Variants in DENND2C observed in about 807,000 individuals in gnomAD.
DENND2C encodes the protein DENN domain containing 2C, also known as DENN domain-containing protein 2C.
In DENND2C, 72 loss-of-function variants were observed where a neutral mutation model predicts 112.4. The ratio of observed to expected loss-of-function variants is 0.64; its 90% confidence interval spans 0.53 to 0.78. The LOEUF is 0.78. DENND2C is among the 30% of genes least tolerant of loss of function. The pLI is 0.00. For synonymous variants in DENND2C, 329 were observed against 381.6 expected (o/e 0.86, Z 1.61); for missense variants, 992 against 1,113.8 (o/e 0.89, Z 1.56).
Position 114,625,441 on chromosome 1 carries a change from C to G in DENND2C, c.544G>C (p.Asp182His). The change falls in exon 4 of 21, where the codon GAT (aspartate) becomes CAT (histidine). Residue 182 changes from aspartate (D) to histidine (H), a missense_variant. This residue lies in a region of DENND2C where 470 missense variants were observed against 472.7 expected (regional missense o/e 0.99). Coordinates refer to ENST00000393274, the MANE Select transcript of DENND2C (RefSeq NM_001256404.2). Reference protein sequence around the residue: ...SEKELNFRVLDSSYGITKSLE... With the variant: ...SEKELNFRVLHSSYGITKSLE... ...CTCTTGGTTATTCCGTATGAACTAT[C>G]CAGAACTCTGAAGTTCAGTTCTTTT... is the stretch of plus-strand genomic sequence containing the variant. The G allele has an allele frequency of 3.1e-6, 5 of 1,614,098 alleles. No homozygotes were observed. Among genetic ancestry groups the G allele is most frequent in the Non-Finnish European group, 2.5e-6 (3 of 1,180,016 alleles).
rs1655481831 is a variant in DENND2C, at chr1:114,600,880, A to G, written c.1896T>C (p.Pro632=). ...TGATGGTGCGTCCAGGAGCTGGGAA[A>G]GGAGCTTCCATGACACTTCGCATGA... ...YPFMRSVMEA[P]FPAPGRTITV... The change falls in exon 14 of 21, where the codon CCT becomes CCC. Residue 632 remains proline (P), a synonymous_variant. Transcript: ENST00000393274. The G allele has an allele frequency of 6.2e-7, 1 of 1,614,122 alleles. No individual in the cohort carries two copies. Among genetic ancestry groups the G allele is most frequent in the Non-Finnish European group, 8.5e-7 (1 of 1,179,978 alleles).
At position 114,602,114 on chromosome 1, in the gene DENND2C, C is replaced by T; in HGVS notation, c.1737+11G>A. 1.9e-6 allele frequency: 3 copies of T among 1,613,642 alleles called. No homozygotes were observed. In the South Asian group the frequency reaches 3.3e-5, roughly 18 times the overall value. ...GACCAACCCTGTCTGTAACACAAATCTGATACTTACCAAGAGCTTCTTACA... is the reference window on the plus strand; with the variant it reads ...GACCAACCCTGTCTGTAACACAAATTTGATACTTACCAAGAGCTTCTTACA... On this transcript the variant is annotated intron_variant, in intron 12 of 20. Transcript: ENST00000393274.
chr1:114,582,910 T>C lies in DENND2C; in HGVS notation c.*2690A>G, dbSNP rs1293394245. 1 of 152,246 alleles carries C rather than the reference T, an allele frequency of 6.6e-6. No individual in the cohort carries two copies. Among genetic ancestry groups the C allele is most frequent in the Non-Finnish European group, 1.5e-5 (1 of 68,040 alleles). 9.4% of individuals were successfully genotyped at this position (152,246 alleles called of 1,614,324 possible). A position where few individuals can be genotyped will look rare whatever the true frequency, so the allele number is the denominator to read the frequency against. On this transcript the variant is annotated 3_prime_UTR_variant, in exon 21 of 21. Coordinates refer to ENST00000393274, the MANE Select transcript of DENND2C (RefSeq NM_001256404.2). ...TGTAAACAACATTTTATACAAATCT[T>C]GATTCTTTTACAAAAATATCCAGAA...
At chr1:114,641,168 T>A (rs1479261821) in intron 3 of DENND2C, among the ~76,000 whole-genome samples, 1 of 150,054 alleles carries the variant, frequency 6.7e-6, no homozygotes, top group African/African-American at 2.5e-5. Flanking sequence ...TGGTAGCTCA[T>A]GCCTGTAATC....
Position 114,636,354 on chromosome 1 carries a change from T to C in DENND2C, c.-205+9094A>G, listed in dbSNP as rs76190031. ...GCAAGGATGTCTCCTCTTACCACTT[T>C]TATTCAACATTGTAAAAGAAGTTTA... On this transcript the variant is annotated intron_variant, in intron 3 of 20. Transcript: ENST00000393274. 1.0e-3 allele frequency among the ~76,000 whole-genome samples: 158 copies of C among 152,268 alleles called. 2 individuals carry two copies. The East Asian group carries it at 0.028, about 27-fold the overall frequency.
rs138972182 is a variant in DENND2C, at chr1:114,651,994, T to G, written c.-317+2511A>C. On this transcript the variant is annotated intron_variant, in intron 2 of 20. Transcript: ENST00000393274. Reference sequence around the variant, plus strand: ...AGAATGAGGAGGGTATCCAGGCTGATAGATGGCCTGGTGCGGGGTTGTAAG... The same window carrying G: ...AGAATGAGGAGGGTATCCAGGCTGAGAGATGGCCTGGTGCGGGGTTGTAAG... Among the ~76,000 whole-genome samples the G allele has an allele frequency of 2.8e-3, 432 of 152,168 alleles. 1 individual carries two copies. The highest frequency in any genetic ancestry group is 4.9e-3 in the Non-Finnish European group (333 of 67,990).
chr1:114,594,567 C>T lies in DENND2C; in HGVS notation c.2337G>A (p.Glu779=). 1 of 1,613,234 alleles carries T rather than the reference C, an allele frequency of 6.2e-7. No homozygotes were observed. The highest frequency in any genetic ancestry group is 1.1e-5 in the South Asian group (1 of 91,074). The part of the protein sequence containing the change: ...ADKFLQEVSD[E]DEILPPKLQA... ...GAAGTTTTGGTGGTAGAATTTCATC[C>T]TCATCAGATACCTTAAGAAGAAAAA... The change falls in exon 18 of 21, where the codon GAG becomes GAA. Residue 779 remains glutamate (E), a synonymous_variant. Coordinates refer to ENST00000393274, the MANE Select transcript of DENND2C (RefSeq NM_001256404.2).
Position 114,611,213 on chromosome 1 carries a change from G to A in DENND2C, c.1325-96C>T. The stretch of plus-strand genomic sequence containing the variant: ...AAACCCACAAACCTGGGGACTTGGA[G>A]TAAGGAATAATAAAGCTGCTGAGCC... On this transcript the variant is annotated intron_variant, in intron 8 of 20. Coordinates refer to ENST00000393274, the MANE Select transcript of DENND2C (RefSeq NM_001256404.2). The A allele has an allele frequency of 2.9e-6, 4 of 1,375,728 alleles. No individual in the cohort carries two copies. In the South Asian group the frequency reaches 4.9e-5, roughly 17 times the overall value. 85.2% of individuals were successfully genotyped at this position (1,375,728 alleles called of 1,614,324 possible). A position where few individuals can be genotyped will look rare whatever the true frequency, so the allele number is the denominator to read the frequency against.
chr1:114,611,228 G>T, intron 8 of DENND2C, 111 bp from the exon 9 acceptor site: 1 of 1,203,286 alleles, frequency 8.3e-7, no homozygotes, highest in South Asian at 1.4e-5. Flanking sequence ...GAATAATAAA[G>T]CTGCTGAGCC....
chr1:114,658,391 T>C (rs774105451), intron 1 of DENND2C, among the ~76,000 whole-genome samples: 42 of 151,992 alleles, frequency 2.8e-4, no homozygotes, highest in Admixed American at 6.6e-5. Context: ...AAAAGAAAGA[T>C]GCAAACCAGT....
At chr1:114,640,784 A>T (rs980755895) in intron 3 of DENND2C, among the ~76,000 whole-genome samples, 9 of 152,288 alleles carry the variant, frequency 5.9e-5, no homozygotes, top group African/African-American at 9.6e-5. Context: ...AAAAACATAA[A>T]TTTTTTTTAA....
Position 114,623,592 on chromosome 1 carries a change from CTG to C in DENND2C, c.856_857del (p.Gln286AspfsTer4), listed in dbSNP as rs781425787. ...DIQHFRNRNS[Q>X]TIREELGRNS... ...TTCTTCCAAGTTCTTCACGAATCGTCTGTGAGTTCCGATTTCGAAAGTGCTGA... is the reference window on the plus strand; with the variant it reads ...TTCTTCCAAGTTCTTCACGAATCGTCTGAGTTCCGATTTCGAAAGTGCTGA... On this transcript the variant is annotated frameshift_variant, in exon 5 of 21. Transcript: ENST00000393274. LOFTEE classifies it high-confidence loss of function. The C allele has an allele frequency of 1.2e-6, 2 of 1,607,910 alleles. No individual in the cohort carries two copies. The highest frequency in any genetic ancestry group is 4.5e-5 in the East Asian group (2 of 44,374).
chr1:114,616,335 TG>T (rs1291196122), intron 8 of DENND2C, among the ~76,000 whole-genome samples: 2 of 150,672 alleles, frequency 1.3e-5, no homozygotes, highest in Non-Finnish European at 2.9e-5. Context: ...GAGGTTGCAG[TG>T]AGCTGAAATT....
At chr1:114,617,750 CTAA>C (rs1656015476) in intron 8 of DENND2C, among the ~76,000 whole-genome samples, 2 of 149,952 alleles carry the variant, frequency 1.3e-5, no homozygotes, top group African/African-American at 4.9e-5. Flanking sequence ...AAAAAAAAGA[CTAA>C]TGTTTTCCTA....
intron 8 of DENND2C, among the ~76,000 whole-genome samples, chr1:114,614,579 A>AT (rs138317872): frequency 0.065 from 9,692 of 150,258 alleles, 400 homozygotes; most frequent in Non-Finnish European, 0.084. Context: ...AAGTTGGAGG[A>AT]TTTTTTTTTT....
At chr1:114,618,011 T>C (rs1440152167) in intron 8 of DENND2C, among the ~76,000 whole-genome samples, 3 of 150,484 alleles carry the variant, frequency 2.0e-5, no homozygotes, top group African/African-American at 7.3e-5. Context: ...TTTTTTGAGA[T>C]GGAGTCTTGC....
rs531405067 is a variant in DENND2C, at chr1:114,585,369, A to G, written c.*231T>C. On this transcript the variant is annotated 3_prime_UTR_variant, in exon 21 of 21. Coordinates refer to ENST00000393274, the MANE Select transcript of DENND2C (RefSeq NM_001256404.2). ...GAATCACATAGAAAAGGCTGCTATA[A>G]AAAAAAAATGGAGACAGAGTAAAGA... 47 of 436,398 alleles carry G rather than the reference A, an allele frequency of 1.1e-4. 1 individual carries two copies. The Admixed American group carries it at 1.7e-3, about 16-fold the overall frequency. The allele number at this position is 436,398 out of a possible 1,614,324, so 27.0% of individuals were successfully genotyped here.
intron 19 of DENND2C, 106 bp from the exon 20 acceptor site, chr1:114,587,579 T>C (rs529843442): frequency 6.2e-6 from 9 of 1,441,442 alleles, no homozygotes; most frequent in Non-Finnish European, 8.6e-6. Flanking sequence ...GCTAAAACAA[T>C]ATTACAAAAT....
chr1:114,608,917 A>G (rs766621255), intron 9 of DENND2C, 44 bp from the exon 10 acceptor site: 2 of 1,607,266 alleles, frequency 1.2e-6, no homozygotes, highest in African/African-American at 2.7e-5. Context: ...CTGTAGCCCT[A>G]CCTTCCTTTC....
Sources: allele counts gnomAD v4.1 joint callset (sites outside exome capture counted in the v4.1 genomes callset), GRCh38; gene constraint gnomAD v4.1.1; regional missense constraint gnomAD v4.1.1; transcripts MANE v1.5; gene names NCBI Gene and HGNC (gene_info 2026-07-23, HGNC 2026-07-21).